The following CDH13 variants were observed in gnomAD, a reference collection of about 807,000 sequenced individuals.
CDH13 encodes cadherin 13.
A neutral mutation model predicts 63.8 loss-of-function variants in CDH13; 24 were observed. The observed-to-expected ratio is 0.38, with a 90% CI of 0.27 to 0.53. CDH13 has a LOEUF of 0.53. CDH13 is among the 20% of genes least tolerant of loss of function. The pLI, the probability that CDH13 is intolerant of heterozygous loss-of-function variation, is 0.85. For synonymous variants in CDH13, 503 were observed against 355.3 expected, an observed-to-expected ratio of 1.42 and a Z score of -4.67; for missense variants, 1,049 against 903.1, an observed-to-expected ratio of 1.16 and a Z score of -2.07.
In CDH13 at chr16:83,798,319, A is replaced by C. The variant is rs576381924; in HGVS notation, c.*3289A>C. The stretch of plus-strand genomic sequence containing the variant: ...AGTTGCACCCAGGCACGAGCTCTCC[A>C]GATGATTCTGAGGAAAGGAGTCTAC... On this transcript the variant is annotated 3_prime_UTR_variant, in exon 14 of 14. Coordinates refer to ENST00000567109, the MANE Select transcript of CDH13 (RefSeq NM_001257.5). 6.6e-6 allele frequency: 1 copy of C among 152,358 alleles called. No homozygotes were observed. Among genetic ancestry groups the C allele is most frequent in the African/African-American group, 2.4e-5 (1 of 41,580 alleles). 9.4% of individuals were successfully genotyped at this position (152,358 alleles called of 1,614,324 possible). A position where few individuals can be genotyped will look rare whatever the true frequency, so the allele number is the denominator to read the frequency against.
chr16:83,527,310 A>T (rs1598223633), intron 7 of CDH13, among the ~76,000 whole-genome samples: 1 of 151,414 alleles, frequency 6.6e-6, no homozygotes, highest in Admixed American at 6.6e-5. Context: ...TTAGCTGGGC[A>T]TGGTGGCAGG....
At chr16:83,686,167 T>C (rs7186797) in intron 10 of CDH13, among the ~76,000 whole-genome samples, 84,525 of 152,116 alleles carry the variant, frequency 0.56, 24,163 homozygotes, top group African/African-American at 0.67. Flanking sequence ...GCTTCCTCCG[T>C]ACCACTGCGC....
chr16:83,694,608 C>T (rs977615280), intron 10 of CDH13, among the ~76,000 whole-genome samples: 1 of 152,170 alleles, frequency 6.6e-6, no homozygotes, highest in Non-Finnish European at 1.5e-5. Flanking sequence ...TATTCAGTTC[C>T]CACACTAAAG....
rs139100662 is a variant in CDH13 at position 83,378,099 on chromosome 16, C to T, written c.781+33093C>T. 1.1e-3 allele frequency among the ~76,000 whole-genome samples: 172 copies of T among 152,306 alleles called. 1 individual carries two copies. Among genetic ancestry groups the T allele is most frequent in the Non-Finnish European group, 2.1e-3 (144 of 68,018 alleles). ...TTTGAAAAAGCCAGGCATTTGCTTC[C>T]TAAGAGCACACCTTGCAGAAGCAGC... is the stretch of plus-strand genomic sequence containing the variant. On this transcript the variant is annotated intron_variant, in intron 6 of 13. Coordinates refer to ENST00000567109, the MANE Select transcript of CDH13 (RefSeq NM_001257.5).
chr16:83,707,644 ATCAGC>A (rs1278892292), intron 10 of CDH13, among the ~76,000 whole-genome samples: 1 of 152,006 alleles, frequency 6.6e-6, no homozygotes, highest in Non-Finnish European at 1.5e-5. Context: ...TAAGACAGAG[ATCAGC>A]TCTTAGATTC....
intron 7 of CDH13, among the ~76,000 whole-genome samples, chr16:83,573,683 C>G (rs1251723898): frequency 6.6e-6 from 1 of 152,042 alleles, no homozygotes; most frequent in African/African-American, 2.4e-5. Context: ...TAGAAGGAAG[C>G]CCAAGTTTTG....
intron 5 of CDH13, among the ~76,000 whole-genome samples, chr16:83,244,696 A>G (rs1017823416): frequency 6.6e-6 from 1 of 152,180 alleles, no homozygotes; most frequent in Admixed American, 6.5e-5. Flanking sequence ...TCCAAGCAAA[A>G]TCAGCATTAA....
intron 6 of CDH13, among the ~76,000 whole-genome samples, chr16:83,419,714 G>T (rs548179791): frequency 6.6e-6 from 1 of 152,262 alleles, no homozygotes; most frequent in Non-Finnish European, 1.5e-5. Context: ...TTGCCCCAAG[G>T]CATTCCCATA....
At chr16:83,501,713 A>T (rs989596578) in intron 7 of CDH13, among the ~76,000 whole-genome samples, 17 of 152,228 alleles carry the variant, frequency 1.1e-4, no homozygotes, top group Admixed American at 2.0e-4. Flanking sequence ...AGGGCATTGG[A>T]TTTGACCTCA....
intron 7 of CDH13, among the ~76,000 whole-genome samples, chr16:83,591,440 G>GGAGTGA (rs1906739775): frequency 6.6e-6 from 1 of 152,182 alleles, no homozygotes; most frequent in African/African-American, 2.4e-5. Context: ...CCAGCCATGT[G>GGAGTGA]CTCCTGGGAT....
chr16:83,422,463 A>C (rs974352159), intron 6 of CDH13, among the ~76,000 whole-genome samples: 2 of 152,216 alleles, frequency 1.3e-5, no homozygotes, highest in African/African-American at 2.4e-5. Context: ...ATAATGAATC[A>C]TCTGGTTTCT....
intron 2 of CDH13, among the ~76,000 whole-genome samples, chr16:82,998,477 A>G (rs1912495476): frequency 6.6e-6 from 1 of 152,068 alleles, no homozygotes; most frequent in African/African-American, 2.4e-5. Flanking sequence ...CCTCTTGGTG[A>G]TAATAAAGCA....
intron 8 of CDH13, among the ~76,000 whole-genome samples, chr16:83,629,831 C>A (rs990355114): frequency 6.6e-6 from 1 of 152,214 alleles, no homozygotes; most frequent in African/African-American, 2.4e-5. Flanking sequence ...AGAAGATTGA[C>A]AAGCTCAGTC....
At chr16:83,143,813 T>G (rs1263859321) in intron 4 of CDH13, among the ~76,000 whole-genome samples, 1 of 152,028 alleles carries the variant, frequency 6.6e-6, no homozygotes, top group Non-Finnish European at 1.5e-5. Context: ...ACTACTCCTC[T>G]TTGCCGTTCC....
At position 83,032,443 on chromosome 16, in the gene CDH13, A is replaced by G. The variant is rs1461377914; in HGVS notation, c.366+225A>G. ...AGTTCGTGGATTAATTCATGGAACT[A>G]TTTTAGGGATACTTCTGCCTTCAGG... is the stretch of plus-strand genomic sequence containing the variant. On this transcript the variant is annotated intron_variant, in intron 3 of 13. Coordinates refer to ENST00000567109, the MANE Select transcript of CDH13 (RefSeq NM_001257.5). 5.7e-6 allele frequency: 3 copies of G among 527,484 alleles called. No individual in the cohort carries two copies. In the South Asian group the frequency reaches 7.1e-5, roughly 12 times the overall value. 32.7% of individuals were successfully genotyped at this position (527,484 alleles called of 1,614,324 possible).
intron 5 of CDH13, among the ~76,000 whole-genome samples, chr16:83,299,788 C>T (rs1388281597): frequency 6.6e-6 from 1 of 152,200 alleles, no homozygotes; most frequent in Non-Finnish European, 1.5e-5. Flanking sequence ...CAGCATAACA[C>T]TTTATCCCAA....
chr16:82,757,591 T>G (rs1295559687), intron 1 of CDH13, among the ~76,000 whole-genome samples: 1 of 152,180 alleles, frequency 6.6e-6, no homozygotes, highest in African/African-American at 2.4e-5. Context: ...GAAGCTAGTT[T>G]GACTACCGCA....
chr16:83,065,913 A>C (rs1216012121), intron 3 of CDH13, among the ~76,000 whole-genome samples: 1 of 152,092 alleles, frequency 6.6e-6, no homozygotes, highest in Non-Finnish European at 1.5e-5. Context: ...TAACTGGAAA[A>C]TGGCTTTGGG....
Position 82,827,863 on chromosome 16 carries a change from A to G in CDH13, c.46-30499A>G, listed in dbSNP as rs1024813641. Among the ~76,000 whole-genome samples the G allele has an allele frequency of 2.0e-5, 3 of 152,208 alleles. No homozygotes were observed. In the East Asian group the frequency reaches 5.8e-4, roughly 29 times the overall value. On this transcript the variant is annotated intron_variant, in intron 1 of 13. Coordinates refer to ENST00000567109, the MANE Select transcript of CDH13 (RefSeq NM_001257.5). ...TGTGGTATGAGTATGACACGGAGCC[A>G]GAAGTGCCTGGTCATTCACTGATTT...
Sources: allele counts gnomAD v4.1 joint callset (sites outside exome capture counted in the v4.1 genomes callset), GRCh38; gene constraint gnomAD v4.1.1; transcripts MANE v1.5; gene names NCBI Gene and HGNC (gene_info 2026-07-23, HGNC 2026-07-21).